The following SNIP1 variants were observed in gnomAD, a reference collection of about 807,000 sequenced individuals.
SNIP1 encodes Smad nuclear interacting protein 1, also known as smad nuclear-interacting protein 1.
A neutral mutation model predicts 37.4 loss-of-function variants in SNIP1; 23 were observed. The ratio of observed to expected loss-of-function variants is 0.61; its 90% CI spans 0.44 to 0.87. SNIP1 has a LOEUF of 0.87. Among genes scored for constraint, SNIP1 ranks in the 40% least tolerant of loss-of-function variants. The pLI is 0.00. For synonymous variants in SNIP1, 174 were observed against 200.0 expected (o/e 0.87, Z 1.10); for missense variants, 459 against 540.4 (o/e 0.85, Z 1.49).
intron 3 of SNIP1, among the ~76,000 whole-genome samples, chr1:37,538,214 A>G (rs1643122640): frequency 6.6e-6 from 1 of 152,158 alleles, no homozygotes; most frequent in Admixed American, 6.6e-5. Context: ...TATACTTAGA[A>G]AAGGTGAGAA....
In SNIP1 at chr1:37,535,840, TCGCTGTCACC is replaced by T. The variant is rs1277607374; in HGVS notation, c.*1898_*1907del. 1.3e-5 allele frequency: 2 copies of T among 150,988 alleles called. No homozygotes were observed. The highest frequency in any genetic ancestry group is 6.6e-5 in the Admixed American group (1 of 15,102). The allele number at this position is 150,988 out of a possible 1,614,324, so 9.4% of individuals were successfully genotyped here. On this transcript the variant is annotated 3_prime_UTR_variant, in exon 4 of 4. Coordinates refer to ENST00000296215, the MANE Select transcript of SNIP1 (RefSeq NM_024700.4). ...TTTTTTTTTTTTCTGAGACAGAGTCTCGCTGTCACCCAGGCTGGAGTGCAGTGGCACAATC... is the reference window on the plus strand; with the variant it reads ...TTTTTTTTTTTTCTGAGACAGAGTCTCAGGCTGGAGTGCAGTGGCACAATC...
Position 37,540,475 on chromosome 1 carries a change from T to C in SNIP1, c.608A>G (p.Gln203Arg), listed in dbSNP as rs148711417. 41 of 1,614,036 alleles carry C rather than the reference T, an allele frequency of 2.5e-5. No homozygotes were observed. Among genetic ancestry groups the C allele is most frequent in the Non-Finnish European group, 3.2e-5 (38 of 1,180,026 alleles). ...GCCACCAGGCCGAGGAACCAACTCC[T>C]GAGACTCACTGCCGCCACCACCAAC... is the stretch of plus-strand genomic sequence containing the variant. Reference protein sequence around the residue: ...NDVGGGGSESQELVPRPGGNN... With the variant: ...NDVGGGGSESRELVPRPGGNN... Residue 203 changes from glutamine (Q) to arginine (R), a missense_variant, in exon 3 of 4, where the codon CAG becomes CGG. Physicochemically the swap from Gln to Arg is conservative, Grantham distance 43. Transcript: ENST00000296215. The surrounding 1 kb of genome is among the most constrained non-coding windows in gnomAD (Gnocchi z 5.6).
intron 2 of SNIP1, chr1:37,545,056 G>A: frequency 1.3e-6 from 1 of 751,700 alleles, no homozygotes; most frequent in East Asian, 2.5e-5. Context: ...ATGCGATGGA[G>A]CATGCATTAC....
rs1481529474 is a variant in SNIP1 at position 37,534,779 on chromosome 1, C to T, written c.*2969G>A. 6.6e-6 allele frequency: 1 copy of T among 152,136 alleles called. No homozygotes were observed. Among genetic ancestry groups the T allele is most frequent in the Non-Finnish European group, 1.5e-5 (1 of 68,030 alleles). 9.4% of individuals were successfully genotyped at this position (152,136 alleles called of 1,614,324 possible). A position where few individuals can be genotyped will look rare whatever the true frequency, so the allele number is the denominator to read the frequency against. On this transcript the variant is annotated 3_prime_UTR_variant, in exon 4 of 4. Transcript: ENST00000296215. Reference sequence around the variant, plus strand: ...ATTCTGTCCCATACCTCTGCAGAATCATGGACCCCCACAGAGGACTTAGGG... The same window carrying T: ...ATTCTGTCCCATACCTCTGCAGAATTATGGACCCCCACAGAGGACTTAGGG...
At chr1:37,544,744 A>C (rs1023069994) in intron 2 of SNIP1, 1 of 671,996 alleles carries the variant, frequency 1.5e-6, no homozygotes, top group Non-Finnish European at 2.8e-6. Flanking sequence ...ACCGCCGCAC[A>C]GCCACCGTGG....
At position 37,540,143 on chromosome 1, in the gene SNIP1, T is replaced by G; in HGVS notation, c.926+14A>C. 1 of 1,555,934 alleles carries G rather than the reference T, an allele frequency of 6.4e-7. No homozygotes were observed. Among genetic ancestry groups the G allele is most frequent in the Non-Finnish European group, 8.7e-7 (1 of 1,147,184 alleles). On this transcript the variant is annotated intron_variant, in intron 3 of 3. Transcript: ENST00000296215. The surrounding 1 kb of genome is among the most constrained non-coding windows in gnomAD (Gnocchi z 5.6). The stretch of plus-strand genomic sequence containing the variant: ...TTCTGCTCACATTACAGTTTCTTCC[T>G]CCATGTTACTTACCGATATTGAAAG...
At chr1:37,545,169 T>C in intron 2 of SNIP1, 1 of 710,416 alleles carries the variant, frequency 1.4e-6, no homozygotes, top group Non-Finnish European at 2.6e-6. Context: ...ATTACCTGAA[T>C]GAGCAGGGGA....
chr1:37,545,955 GTA>G (rs1184664613), intron 2 of SNIP1, among the ~76,000 whole-genome samples: 3 of 152,114 alleles, frequency 2.0e-5, no homozygotes, highest in African/African-American at 7.2e-5. Flanking sequence ...ATGTAAAATG[GTA>G]TAGTTAGTGC....
Position 37,544,446 on chromosome 1 carries a change from CAA to C in SNIP1, c.328-3693_328-3692del, listed in dbSNP as rs11374263. 3.0e-3 allele frequency among the ~76,000 whole-genome samples: 279 copies of C among 94,180 alleles called. 1 individual carries two copies. The highest frequency in any genetic ancestry group is 0.012 in the African/African-American group (259 of 21,920). 61.8% of individuals were successfully genotyped at this position (94,180 alleles called of 152,430 possible). On this transcript the variant is annotated intron_variant, in intron 2 of 3. Transcript: ENST00000296215. ...GGGTGGACAGAATGAGACTCTGTCT[CAA>C]AAAAAAAAAAAAAAAAAGAAAGAAA...
chr1:37,545,470 C>CAAAAAAAAA (rs74801000), intron 2 of SNIP1, among the ~76,000 whole-genome samples: 1 of 87,248 alleles, frequency 1.1e-5, no homozygotes, highest in African/African-American at 4.4e-5. Context: ...CCGCCCCCAC[C>CAAAAAAAAA]AAAAAAAAAA....
chr1:37,544,793 G>A (rs879308557), intron 2 of SNIP1: 46 of 740,650 alleles, frequency 6.2e-5, no homozygotes, highest in Non-Finnish European at 9.2e-5. Context: ...TCGCAGGTGC[G>A]CCAGAACTAC....
intron 3 of SNIP1, among the ~76,000 whole-genome samples, chr1:37,539,673 G>C (rs1267740489): frequency 6.6e-6 from 1 of 152,220 alleles, no homozygotes; most frequent in Non-Finnish European, 1.5e-5. Flanking sequence ...TCGCGCCACT[G>C]CACTCCAGCC....
At chr1:37,550,647 C>T (rs1395505623) in intron 2 of SNIP1, among the ~76,000 whole-genome samples, 1 of 151,862 alleles carries the variant, frequency 6.6e-6, no homozygotes, top group Non-Finnish European at 1.5e-5. Context: ...GCTGAGGTTG[C>T]AATGAGCTGA....
intron 3 of SNIP1, among the ~76,000 whole-genome samples, chr1:37,539,457 A>C (rs551137623): frequency 1.3e-5 from 2 of 152,344 alleles, no homozygotes; most frequent in African/African-American, 2.4e-5. Flanking sequence ...CACACCTGTA[A>C]TCTCAGCACT....
At chr1:37,543,114 A>G (rs1643192925) in intron 2 of SNIP1, among the ~76,000 whole-genome samples, 1 of 152,122 alleles carries the variant, frequency 6.6e-6, no homozygotes, top group African/African-American at 2.4e-5. Flanking sequence ...GCTTACCCTA[A>G]TAACCAAAGC....
intron 2 of SNIP1, among the ~76,000 whole-genome samples, chr1:37,548,152 C>CAAAAA (rs35503081): frequency 1.7e-3 from 113 of 65,322 alleles, no homozygotes; most frequent in Admixed American, 2.3e-3. Context: ...GACTCCATAT[C>CAAAAA]AAAAAAAAAA....
At chr1:37,552,787 C>T (rs1643315973) in intron 1 of SNIP1, 40 bp from the exon 2 acceptor site, 1 of 1,541,194 alleles carries the variant, frequency 6.5e-7, no homozygotes. Flanking sequence ...TCGCAATTTC[C>T]CTTCCCCCAT....
chr1:37,538,422 T>A (rs1433688952), intron 3 of SNIP1, among the ~76,000 whole-genome samples: 6 of 143,868 alleles, frequency 4.2e-5, no homozygotes. Context: ...GGCACGAGAA[T>A]GGCGTGAACC....
At chr1:37,544,812 A>C in intron 2 of SNIP1, 1 of 756,334 alleles carries the variant, frequency 1.3e-6, no homozygotes, top group Non-Finnish European at 2.4e-6. Flanking sequence ...ACCGCCATCA[A>C]CCGCCAGATC....
Sources: allele counts gnomAD v4.1 joint callset (sites outside exome capture counted in the v4.1 genomes callset), GRCh38; gene constraint gnomAD v4.1.1; non-coding constraint Gnocchi (gnomAD v3.1); transcripts MANE v1.5; gene names NCBI Gene and HGNC (gene_info 2026-07-23, HGNC 2026-07-21).